DEPDC1B: variants seen among roughly 807,000 people sequenced by gnomAD.
DEPDC1B encodes DEP domain containing 1B.
A neutral mutation model predicts 66.5 loss-of-function variants in DEPDC1B; 51 were observed. The observed-to-expected ratio is 0.77, with a 90% CI of 0.61 to 0.97. DEPDC1B has a LOEUF of 0.97. Ranked by LOEUF, DEPDC1B falls within the 50% of genes least tolerant of loss-of-function variation. The pLI is 0.00. For synonymous variants in DEPDC1B, 226 were observed against 223.6 expected, an observed-to-expected ratio of 1.01 and a Z score of -0.10; for missense variants, 552 against 637.1, an observed-to-expected ratio of 0.87 and a Z score of 1.44.
intron 1 of DEPDC1B, among the ~76,000 whole-genome samples, chr5:60,693,952 C>T (rs1163661209): frequency 1.3e-5 from 2 of 152,036 alleles, no homozygotes; most frequent in Non-Finnish European, 2.9e-5. Context: ...ATACCTTATG[C>T]ATTACATAAA....
At chr5:60,653,111 T>C (rs375986720) in intron 2 of DEPDC1B, among the ~76,000 whole-genome samples, 1 of 149,368 alleles carries the variant, frequency 6.7e-6, no homozygotes, top group Admixed American at 6.6e-5. Flanking sequence ...CTTCCTTTCC[T>C]CTGGGTCGAT....
At chr5:60,664,204 G>C (rs902966351) in intron 2 of DEPDC1B, among the ~76,000 whole-genome samples, 4 of 152,202 alleles carry the variant, frequency 2.6e-5, no homozygotes, top group African/African-American at 9.6e-5. Flanking sequence ...AATAGCTCTA[G>C]GAGTCCTTAC....
chr5:60,608,199 T>C (rs560298395), intron 7 of DEPDC1B, among the ~76,000 whole-genome samples: 3 of 152,300 alleles, frequency 2.0e-5, no homozygotes, highest in African/African-American at 7.2e-5. Flanking sequence ...CAAAGCCATC[T>C]AGTTTTTCTG....
At chr5:60,616,881 C>A (rs1030632504) in intron 7 of DEPDC1B, among the ~76,000 whole-genome samples, 1 of 152,090 alleles carries the variant, frequency 6.6e-6, no homozygotes, top group African/African-American at 2.4e-5. Flanking sequence ...TAAGGGCAGC[C>A]AGAGAGAAAG....
At chr5:60,692,017 A>G (rs1754557216) in intron 1 of DEPDC1B, among the ~76,000 whole-genome samples, 2 of 152,254 alleles carry the variant, frequency 1.3e-5, no homozygotes. Context: ...AAAAGAAAGA[A>G]ATGTTGTCAT....
intron 2 of DEPDC1B, among the ~76,000 whole-genome samples, chr5:60,668,826 C>A (rs1185236705): frequency 6.6e-6 from 1 of 152,198 alleles, no homozygotes; most frequent in African/African-American, 2.4e-5. Context: ...AATTAGCATA[C>A]ATTCTTTTAT....
intron 7 of DEPDC1B, among the ~76,000 whole-genome samples, chr5:60,618,038 A>G (rs1465930654): frequency 6.6e-6 from 1 of 152,236 alleles, no homozygotes; most frequent in African/African-American, 2.4e-5. Flanking sequence ...CTAAATGACT[A>G]CTGGGTACAT....
chr5:60,687,007 C>A lies in DEPDC1B; in HGVS notation c.269G>T (p.Gly90Val). ...LKNHVIEDIK[G>V]KWGEEDFEDN... The stretch of plus-strand genomic sequence containing the variant: ...TTCAAAATCTTCCTCACCCCATTTT[C>A]CCTTGATGTCTTCAATAACGTGATT... The change falls in exon 2 of 11, where the codon GGA becomes GTA. Residue 90 changes from glycine to valine, a missense_variant. Transcript: ENST00000265036. The A allele has an allele frequency of 6.2e-7, 1 of 1,614,242 alleles. No homozygotes were observed. The highest frequency in any genetic ancestry group is 8.5e-7 in the Non-Finnish European group (1 of 1,180,052).
At chr5:60,685,002 T>C (rs111831122) in intron 2 of DEPDC1B, among the ~76,000 whole-genome samples, 28 of 152,282 alleles carry the variant, frequency 1.8e-4, no homozygotes, top group Non-Finnish European at 3.2e-4. Context: ...ATGAGGGTAA[T>C]GCAAATGAAA....
At chr5:60,616,606 G>A (rs976760265) in intron 7 of DEPDC1B, among the ~76,000 whole-genome samples, 29 of 152,120 alleles carry the variant, frequency 1.9e-4, no homozygotes, top group Admixed American at 1.5e-3. Context: ...AAAAAGAAAC[G>A]AACAAAGCCT....
intron 7 of DEPDC1B, among the ~76,000 whole-genome samples, chr5:60,607,345 G>A (rs370060784): frequency 5.3e-5 from 8 of 152,162 alleles, no homozygotes; most frequent in African/African-American, 9.7e-5. Context: ...GATCCTAGAC[G>A]TACTCAGGAA....
chr5:60,645,491 C>T lies in DEPDC1B; in HGVS notation c.578+1G>A, dbSNP rs947963632. 4.4e-6 allele frequency: 7 copies of T among 1,604,586 alleles called. No homozygotes were observed. The highest frequency in any genetic ancestry group is 5.1e-6 in the Non-Finnish European group (6 of 1,176,194). Reference sequence around the variant, plus strand: ...TTCTCATTAATATCAAATGTACATACTATGATAATGTCATAGACTTCCATA... The same window carrying T: ...TTCTCATTAATATCAAATGTACATATTATGATAATGTCATAGACTTCCATA... On this transcript the variant is annotated splice_donor_variant, in intron 4 of 10. Transcript: ENST00000265036. LOFTEE classifies it high-confidence loss of function.
At chr5:60,667,358 T>C (rs1038458680) in intron 2 of DEPDC1B, among the ~76,000 whole-genome samples, 13 of 151,224 alleles carry the variant, frequency 8.6e-5, no homozygotes, top group South Asian at 4.2e-4. Context: ...TACATATATA[T>C]ATAAAATGGA....
chr5:60,698,669 A>ATTT (rs34466259), intron 1 of DEPDC1B, among the ~76,000 whole-genome samples: 1 of 143,922 alleles, frequency 6.9e-6, no homozygotes, highest in East Asian at 2.0e-4. Flanking sequence ...TCTCCTTATT[A>ATTT]TTTTTTTTTT....
chr5:60,619,208 A>ATTCCCT (rs1416256683), intron 7 of DEPDC1B, among the ~76,000 whole-genome samples: 4 of 152,218 alleles, frequency 2.6e-5, no homozygotes, highest in Non-Finnish European at 5.9e-5. Flanking sequence ...AACTGGAAGC[A>ATTCCCT]TTCCCTTTGA....
chr5:60,679,599 A>G (rs561509581), intron 2 of DEPDC1B, among the ~76,000 whole-genome samples: 1 of 152,308 alleles, frequency 6.6e-6, no homozygotes, highest in South Asian at 2.1e-4. Flanking sequence ...AAATAAAAAG[A>G]AAATGGTCCC....
At chr5:60,652,660 A>C (rs907335798) in intron 2 of DEPDC1B, among the ~76,000 whole-genome samples, 1 of 148,774 alleles carries the variant, frequency 6.7e-6, no homozygotes, top group Admixed American at 6.7e-5. Context: ...GGTTACATGA[A>C]TAAGTTCTTC....
chr5:60,691,055 CT>C (rs58826050), intron 1 of DEPDC1B, among the ~76,000 whole-genome samples: 62,206 of 139,164 alleles, frequency 0.45, 14,171 homozygotes, highest in East Asian at 0.55. Flanking sequence ...ACTTTTTCTA[CT>C]TTTTTTTTTT....
intron 1 of DEPDC1B, chr5:60,687,827 C>CA: frequency 4.8e-6 from 1 of 206,726 alleles, no homozygotes; most frequent in Non-Finnish European, 1.0e-5. Context: ...CACCCGGCCT[C>CA]AAAAATAGAA....
Sources: allele counts gnomAD v4.1 joint callset (sites outside exome capture counted in the v4.1 genomes callset), GRCh38; gene constraint gnomAD v4.1.1; transcripts MANE v1.5; gene names NCBI Gene and HGNC (gene_info 2026-07-23, HGNC 2026-07-21).